The following KIAA1549 variants were observed in gnomAD, a reference collection of about 807,000 sequenced individuals.
The protein encoded by KIAA1549 is UPF0606 protein KIAA1549.
A neutral mutation model predicts 156.4 loss-of-function variants in KIAA1549; 70 were observed. The observed-to-expected ratio is 0.45, with a 90% CI of 0.37 to 0.55. KIAA1549 has a LOEUF of 0.55. Ranked by LOEUF, KIAA1549 falls within the 20% of genes least tolerant of loss-of-function variation. The pLI, the probability that KIAA1549 is intolerant of heterozygous loss-of-function variation, is 0.00. For synonymous variants in KIAA1549, 1,103 were observed against 1,066.4 expected (o/e 1.03, Z -0.67); for missense variants, 2,428 against 2,540.9 (o/e 0.96, Z 0.96).
chr7:138,869,887 T>C (rs1810877357), intron 13 of KIAA1549, 126 bp from the exon 14 acceptor site: 1 of 726,162 alleles, frequency 1.4e-6, no homozygotes, highest in Admixed American at 2.8e-5. Flanking sequence ...TCTCACTCTG[T>C]TGCCCAGGCT....
At chr7:138,964,729 C>G (rs962160360) in intron 1 of KIAA1549, among the ~76,000 whole-genome samples, 13 of 152,116 alleles carry the variant, frequency 8.5e-5, no homozygotes, top group African/African-American at 3.1e-4. Context: ...TGGTCACAGC[C>G]TGTATTATGG....
At position 138,834,538 on chromosome 7, in the gene KIAA1549, A is replaced by G. The variant is rs1809646353; in HGVS notation, c.*3368T>C. 1 of 229,082 alleles carries G rather than the reference A, an allele frequency of 4.4e-6. No individual in the cohort carries two copies. The highest frequency in any genetic ancestry group is 2.2e-5 in the African/African-American group (1 of 45,126). The allele number at this position is 229,082 out of a possible 1,614,324, so 14.2% of individuals were successfully genotyped here. A position where few individuals can be genotyped will look rare whatever the true frequency, so the allele number is the denominator to read the frequency against. On this transcript the variant is annotated 3_prime_UTR_variant, in exon 20 of 20. Coordinates refer to ENST00000422774, the MANE Select transcript of KIAA1549 (RefSeq NM_001164665.2). ...CCACTCGTGCTATCTTAGATTCTAA[A>G]ATCTCAGAAGGCAAGGCTCATGTCT...
intron 10 of KIAA1549, among the ~76,000 whole-genome samples, chr7:138,888,140 C>T (rs1811450901): frequency 1.3e-5 from 2 of 152,222 alleles, no homozygotes; most frequent in Admixed American, 1.3e-4. Context: ...TTTCCGTGAG[C>T]TCACCATCCT....
chr7:138,965,338 G>C (rs979146323), intron 1 of KIAA1549, among the ~76,000 whole-genome samples: 1 of 152,118 alleles, frequency 6.6e-6, no homozygotes, highest in South Asian at 2.1e-4. Flanking sequence ...CTACCAGTGC[G>C]TGCCACGATG....
intron 1 of KIAA1549, among the ~76,000 whole-genome samples, chr7:138,958,943 A>G (rs932635695): frequency 1.3e-5 from 2 of 152,068 alleles, no homozygotes; most frequent in Admixed American, 6.6e-5. Context: ...TCTGTCACCC[A>G]GGCTGGAGTG....
chr7:138,918,440 T>C lies in KIAA1549; in HGVS notation c.1186A>G (p.Asn396Asp). Residue 396 changes from asparagine to aspartate, a missense_variant, in exon 2 of 20, where the codon AAT (asparagine) becomes GAT (aspartate). Transcript: ENST00000422774. This position sits in a 1 kb window ranked among gnomAD's most constrained non-coding sequence, Gnocchi z 4.2. Reference sequence around the variant, plus strand: ...TCCACAGGACCGGGGAGGGCTGAATTGCTATGCAATTCGGATGTTTTGCTG... The same window carrying C: ...TCCACAGGACCGGGGAGGGCTGAATCGCTATGCAATTCGGATGTTTTGCTG... ...DSSKTSELHS[N>D]SALPGPVDNT... 1 of 1,613,974 alleles carries C rather than the reference T, an allele frequency of 6.2e-7. No homozygotes were observed. Among genetic ancestry groups the C allele is most frequent in the South Asian group, 1.1e-5 (1 of 91,076 alleles).
chr7:138,881,793 G>A lies in KIAA1549; in HGVS notation c.4033-209C>T, dbSNP rs1811253223. On this transcript the variant is annotated intron_variant, in intron 10 of 19. Transcript: ENST00000422774. ...TGTGAAAGATTAAACAAGAGTACAC[G>A]GATTAAATAGCTAGACCCTAGGACA... Among the ~76,000 whole-genome samples the A allele has an allele frequency of 2.0e-5, 3 of 152,174 alleles. No homozygotes were observed. The South Asian group carries it at 6.2e-4, about 32-fold the overall frequency.
At chr7:138,936,677 A>T (rs1038152925) in intron 1 of KIAA1549, among the ~76,000 whole-genome samples, 7 of 152,032 alleles carry the variant, frequency 4.6e-5, no homozygotes, top group African/African-American at 1.7e-4. Flanking sequence ...CAGCATGACA[A>T]GTTCCCACCT....
intron 10 of KIAA1549, among the ~76,000 whole-genome samples, chr7:138,886,625 T>C (rs574772963): frequency 6.6e-6 from 1 of 152,158 alleles, no homozygotes; most frequent in East Asian, 1.9e-4. Context: ...GTAGAAGGAA[T>C]GTCATCTGCA....
intron 12 of KIAA1549, among the ~76,000 whole-genome samples, chr7:138,873,600 A>T (rs1018806370): frequency 5.2e-5 from 6 of 114,642 alleles, no homozygotes; most frequent in South Asian, 2.5e-4. Context: ...GACAGGCATT[A>T]AAAAAAAAAA....
rs76191614 is a variant in KIAA1549, at chr7:138,895,286, G to C, written c.3848-760C>G. On this transcript the variant is annotated intron_variant, in intron 9 of 19. Transcript: ENST00000422774. ...ATACGACATGTGCACCAGTGCAACT[G>C]GTCGTTTCCCCTTCAGCAATGAAAA... 2.6e-5 allele frequency among the ~76,000 whole-genome samples: 4 copies of C among 152,314 alleles called. No individual in the cohort carries two copies. In the East Asian group the frequency reaches 7.7e-4, roughly 29 times the overall value.
intron 1 of KIAA1549, among the ~76,000 whole-genome samples, chr7:138,955,682 A>G: frequency 6.6e-6 from 1 of 152,236 alleles, no homozygotes; most frequent in East Asian, 1.9e-4. Flanking sequence ...TCATATACAT[A>G]TTTTGAAACA....
intron 1 of KIAA1549, among the ~76,000 whole-genome samples, chr7:138,929,672 A>G (rs999720356): frequency 1.3e-5 from 2 of 152,110 alleles, no homozygotes; most frequent in African/African-American, 4.8e-5. Context: ...CTTATGAAAT[A>G]TATTTCTTTT....
At position 138,921,229 on chromosome 7, in the gene KIAA1549, C is replaced by T. The variant is rs140825623; in HGVS notation, c.188-1791G>A. On this transcript the variant is annotated intron_variant, in intron 1 of 19. Coordinates refer to ENST00000422774, the MANE Select transcript of KIAA1549 (RefSeq NM_001164665.2). ...CTTTTCAGAAGACAGCAAAAACAGGCATCGGTTTCTAATAGTGTCTGACTT... is the reference window on the plus strand; with the variant it reads ...CTTTTCAGAAGACAGCAAAAACAGGTATCGGTTTCTAATAGTGTCTGACTT... Among the ~76,000 whole-genome samples the T allele has an allele frequency of 7.8e-3, 1,187 of 152,290 alleles. 19 individuals are homozygous for T. The highest frequency in any genetic ancestry group is 0.027 in the African/African-American group (1,119 of 41,558).
intron 9 of KIAA1549, among the ~76,000 whole-genome samples, chr7:138,897,341 G>A (rs940992296): frequency 2.0e-5 from 3 of 152,100 alleles, no homozygotes; most frequent in African/African-American, 7.2e-5. Flanking sequence ...CCATAAAATA[G>A]AGAAATTATG....
chr7:138,877,232 G>A (rs1811111978), intron 12 of KIAA1549, among the ~76,000 whole-genome samples: 1 of 152,170 alleles, frequency 6.6e-6, no homozygotes, highest in African/African-American at 2.4e-5. Flanking sequence ...GGTGGCTCAC[G>A]CCTGTAATCC....
At chr7:138,867,381 C>T (rs1810777179) in intron 15 of KIAA1549, among the ~76,000 whole-genome samples, 1 of 151,784 alleles carries the variant, frequency 6.6e-6, no homozygotes, top group Non-Finnish European at 1.5e-5. Context: ...ATGCTGAGAC[C>T]CCATCTCTAC....
intron 17 of KIAA1549, among the ~76,000 whole-genome samples, chr7:138,846,395 C>T (rs1810074237): frequency 1.3e-5 from 2 of 151,904 alleles, no homozygotes; most frequent in African/African-American, 4.8e-5. Flanking sequence ...ATTAGCCAGG[C>T]GTGGTGGCGC....
In KIAA1549 at chr7:138,835,885, G is replaced by A. The variant is rs143511440; in HGVS notation, c.*2021C>T. 1 of 219,664 alleles carries A rather than the reference G, an allele frequency of 4.6e-6. No homozygotes were observed. Among genetic ancestry groups the A allele is most frequent in the African/African-American group, 2.2e-5 (1 of 44,628 alleles). 13.6% of individuals were successfully genotyped at this position (219,664 alleles called of 1,614,324 possible). A position where few individuals can be genotyped will look rare whatever the true frequency, so the allele number is the denominator to read the frequency against. On this transcript the variant is annotated 3_prime_UTR_variant, in exon 20 of 20. Transcript: ENST00000422774. ...CTGGTCCTTTGTTGAACGTCCTTGA[G>A]AGACTTACTCTCCTGCACTCCTTCT...
Sources: allele counts gnomAD v4.1 joint callset (sites outside exome capture counted in the v4.1 genomes callset), GRCh38; gene constraint gnomAD v4.1.1; non-coding constraint Gnocchi (gnomAD v3.1); transcripts MANE v1.5; gene names NCBI Gene and HGNC (gene_info 2026-07-23, HGNC 2026-07-21).